PTN: variants seen among roughly 807,000 people sequenced by gnomAD.
The protein encoded by PTN is heparin affin regulatory protein.
PTN carries 18 observed loss-of-function variants against 24.1 expected under a neutral mutation model. That is an observed-to-expected ratio of 0.75 (90% CI 0.52 to 1.11). The LOEUF (loss-of-function observed/expected upper bound fraction) is 1.11. PTN is among the 50% of genes least tolerant of loss of function. The pLI, the probability that PTN is intolerant of heterozygous loss-of-function variation, is 0.00. For missense variants in PTN, 163 were observed against 198.8 expected (o/e 0.82, Z 1.08); for synonymous variants, 78 against 68.6 (o/e 1.14, Z -0.67).
intron 1 of PTN, among the ~76,000 whole-genome samples, chr7:137,313,163 C>T (rs1398749003): frequency 6.6e-6 from 1 of 152,188 alleles, no homozygotes; most frequent in East Asian, 1.9e-4. Flanking sequence ...TCACTGAGGG[C>T]CTTCTGATTT....
intron 1 of PTN, among the ~76,000 whole-genome samples, chr7:137,271,714 C>T (rs1239715523): frequency 6.6e-6 from 1 of 152,198 alleles, no homozygotes; most frequent in East Asian, 1.9e-4. Flanking sequence ...TCCTCCTAAT[C>T]CTTTTCAAGT....
intron 1 of PTN, among the ~76,000 whole-genome samples, chr7:137,269,058 T>C (rs2128874091): frequency 6.6e-6 from 1 of 152,316 alleles, no homozygotes; most frequent in South Asian, 2.1e-4. Flanking sequence ...CCTTTTTCTG[T>C]TCATTCTCTC....
Position 137,315,860 on chromosome 7 carries a change from C to T in PTN, c.-2+27579G>A, listed in dbSNP as rs537583884. ...GCTGGGATGGCCTAGGTATGCAGTT[C>T]TGTGATCCTAAGTCTCTGCCTCTGC... On this transcript the variant is annotated intron_variant, in intron 1 of 4. Coordinates refer to ENST00000348225, the MANE Select transcript of PTN (RefSeq NM_002825.7). 2.0e-5 allele frequency among the ~76,000 whole-genome samples: 3 copies of T among 152,240 alleles called. No individual in the cohort carries two copies. The East Asian group carries it at 5.8e-4, about 29-fold the overall frequency.
At chr7:137,332,893 A>G (rs2128882931) in intron 1 of PTN, among the ~76,000 whole-genome samples, 1 of 152,332 alleles carries the variant, frequency 6.6e-6, no homozygotes, top group African/African-American at 2.4e-5. Context: ...GAAAAAAGCC[A>G]TATTCACATC....
At chr7:137,284,166 C>T (rs918651411) in intron 1 of PTN, among the ~76,000 whole-genome samples, 40 of 151,348 alleles carry the variant, frequency 2.6e-4, no homozygotes, top group Admixed American at 2.6e-3. Context: ...GACAGGGTTT[C>T]ACCGTGGTCT....
intron 1 of PTN, among the ~76,000 whole-genome samples, chr7:137,274,009 C>T (rs1186248463): frequency 6.7e-6 from 1 of 149,492 alleles, no homozygotes; most frequent in African/African-American, 2.5e-5. Flanking sequence ...AGAATAAGCA[C>T]TAACACCTCA....
intron 2 of PTN, 37 bp downstream of exon 2, chr7:137,254,822 C>T: frequency 7.2e-7 from 1 of 1,394,720 alleles, no homozygotes; most frequent in Non-Finnish European, 9.8e-7. Flanking sequence ...GGACATTAAT[C>T]AATGAAGCAT....
At chr7:137,317,122 T>G (rs1810085759) in intron 1 of PTN, among the ~76,000 whole-genome samples, 1 of 152,182 alleles carries the variant, frequency 6.6e-6, no homozygotes, top group Non-Finnish European at 1.5e-5. Flanking sequence ...AGGCTGTGTT[T>G]GTGAATCTGT....
chr7:137,288,211 A>T lies in PTN; in HGVS notation c.-1-33237T>A, dbSNP rs1222149885. On this transcript the variant is annotated intron_variant, in intron 1 of 4. Transcript: ENST00000348225. ...TTAATAAATGAATTGTTTAATAAACAAGCTGTTGCCCCAAATAATTTGCTC... is the reference window on the plus strand; with the variant it reads ...TTAATAAATGAATTGTTTAATAAACTAGCTGTTGCCCCAAATAATTTGCTC... 3.3e-5 allele frequency among the ~76,000 whole-genome samples: 5 copies of T among 152,174 alleles called. No homozygotes were observed. The East Asian group carries it at 9.6e-4, about 29-fold the overall frequency.
At chr7:137,249,374 T>G (rs1563199402) in intron 4 of PTN, among the ~76,000 whole-genome samples, 1 of 152,046 alleles carries the variant, frequency 6.6e-6, no homozygotes, top group Admixed American at 6.6e-5. Flanking sequence ...AGTTCTCAAT[T>G]TTGGCTGCAT....
intron 1 of PTN, among the ~76,000 whole-genome samples, chr7:137,334,711 A>G (rs982156274): frequency 7.3e-4 from 109 of 148,924 alleles, no homozygotes; most frequent in Non-Finnish European, 1.3e-4. Flanking sequence ...CCAAAGGACT[A>G]TAAATCATGC....
In PTN at chr7:137,343,645, G is replaced by T. The variant is rs777567114; in HGVS notation, c.-208C>A. On this transcript the variant is annotated 5_prime_UTR_variant, in exon 1 of 5. Coordinates refer to ENST00000348225, the MANE Select transcript of PTN (RefSeq NM_002825.7). ...CCTCTGCTCTGGGGCTCTCTTGGCGGGATTTTTGGACTGGAAGGCGGGGAA... is the reference window on the plus strand; with the variant it reads ...CCTCTGCTCTGGGGCTCTCTTGGCGTGATTTTTGGACTGGAAGGCGGGGAA... 1.9e-6 allele frequency: 1 copy of T among 518,446 alleles called. No individual in the cohort carries two copies. The highest frequency in any genetic ancestry group is 3.9e-6 in the Non-Finnish European group (1 of 259,666). 32.1% of individuals were successfully genotyped at this position (518,446 alleles called of 1,614,324 possible). A position where few individuals can be genotyped will look rare whatever the true frequency, so the allele number is the denominator to read the frequency against.
chr7:137,292,748 C>T (rs989098561), intron 1 of PTN, among the ~76,000 whole-genome samples: 13 of 152,130 alleles, frequency 8.5e-5, no homozygotes, highest in Non-Finnish European at 1.9e-4. Flanking sequence ...AGTACAGATG[C>T]AACCATCTGT....
At chr7:137,303,792 C>A (rs1428312854) in intron 1 of PTN, among the ~76,000 whole-genome samples, 1 of 151,920 alleles carries the variant, frequency 6.6e-6, no homozygotes, top group African/African-American at 2.4e-5. Context: ...TATGAGACAA[C>A]CGCTAAGAAA....
chr7:137,257,692 T>A (rs1808958515), intron 1 of PTN, among the ~76,000 whole-genome samples: 1 of 152,226 alleles, frequency 6.6e-6, no homozygotes, highest in Non-Finnish European at 1.5e-5. Flanking sequence ...TAAATTACAA[T>A]ATATTTCTTT....
At chr7:137,259,595 T>A (rs1032975498) in intron 1 of PTN, among the ~76,000 whole-genome samples, 3 of 151,608 alleles carry the variant, frequency 2.0e-5, no homozygotes, top group Non-Finnish European at 2.9e-5. Context: ...TCTTATTACT[T>A]ACTACAAAGA....
chr7:137,326,362 A>G (rs1810262044), intron 1 of PTN: 1 of 152,192 alleles, frequency 6.6e-6, no homozygotes, highest in African/African-American at 2.4e-5. Flanking sequence ...AAATTGATCA[A>G]TGTCAACATC....
intron 4 of PTN, among the ~76,000 whole-genome samples, chr7:137,239,351 G>C (rs955846569): frequency 1.3e-5 from 2 of 151,412 alleles, no homozygotes; most frequent in African/African-American, 4.9e-5. Flanking sequence ...CATGGGCTAG[G>C]GACTATAAGA....
chr7:137,301,498 T>C (rs1809805332), intron 1 of PTN, among the ~76,000 whole-genome samples: 1 of 151,790 alleles, frequency 6.6e-6, no homozygotes, highest in Non-Finnish European at 1.5e-5. Flanking sequence ...TCAATTCAGA[T>C]AGTGTAGTAA....
Sources: allele counts gnomAD v4.1 joint callset (sites outside exome capture counted in the v4.1 genomes callset), GRCh38; gene constraint gnomAD v4.1.1; transcripts MANE v1.5; gene names NCBI Gene and HGNC (gene_info 2026-07-23, HGNC 2026-07-21).